ARFGEF3: variants seen among roughly 807,000 people sequenced by gnomAD.
ARFGEF3 encodes the protein ARFGEF family member 3.
A neutral mutation model predicts 221.7 loss-of-function variants in ARFGEF3; 96 were observed. The observed-to-expected ratio is 0.43, with a 90% CI of 0.37 to 0.51. ARFGEF3 has a LOEUF of 0.51. Among genes scored for constraint, ARFGEF3 ranks in the 20% least tolerant of loss-of-function variants. ARFGEF3 has a pLI of 0.00. For missense variants in ARFGEF3, 2,410 were observed against 2,789.9 expected, an observed-to-expected ratio of 0.86 and a Z score of 3.07; for synonymous variants, 1,145 against 1,126.8, an observed-to-expected ratio of 1.02 and a Z score of -0.32.
chr6:138,287,006 G>T, intron 16 of ARFGEF3, 68 bp from the exon 17 acceptor site: 1 of 1,566,574 alleles, frequency 6.4e-7, no homozygotes, highest in Non-Finnish European at 8.7e-7. Flanking sequence ...CCCTTTAGAA[G>T]GGGTTCTGCT....
intron 24 of ARFGEF3, among the ~76,000 whole-genome samples, chr6:138,309,362 G>A (rs1779783461): frequency 6.6e-6 from 1 of 152,082 alleles, no homozygotes; most frequent in Admixed American, 6.5e-5. Context: ...TCTAAATTAA[G>A]TATAAAATCA....
chr6:138,162,162 T>G lies in ARFGEF3; in HGVS notation c.76T>G (p.Trp26Gly). 1.3e-6 allele frequency: 2 copies of G among 1,598,898 alleles called. No homozygotes were observed. The highest frequency in any genetic ancestry group is 1.7e-6 in the Non-Finnish European group (2 of 1,172,116). Residue 26 changes from tryptophan to glycine, a missense_variant, in exon 1 of 34, where the codon TGG becomes GGG. By Grantham distance (184) the Trp-to-Gly change is radical. Coordinates refer to ENST00000251691, the MANE Select transcript of ARFGEF3 (RefSeq NM_020340.5). This position sits in a 1 kb window ranked among gnomAD's most constrained non-coding sequence, Gnocchi z 4.7. ...CAAAGCCATCAAGGAGAGCTGCACC[T>G]GGGCCCTGGGTAAGCGTCCGGCACC... ...KYKAIKESCT[W>G]ALETLGGLDT... is the part of the protein sequence containing the mutation.
intron 2 of ARFGEF3, among the ~76,000 whole-genome samples, chr6:138,205,360 A>G (rs1184953043): frequency 6.6e-6 from 1 of 152,174 alleles, no homozygotes; most frequent in African/African-American, 2.4e-5. Context: ...TCCAACTTCA[A>G]GTGGAAAGTT....
Position 138,321,121 on chromosome 6 carries a change from C to T in ARFGEF3, c.4662C>T (p.Tyr1554=), listed in dbSNP as rs17510658. 71,797 of 1,552,316 alleles carry T rather than the reference C, an allele frequency of 0.046. 1,875 individuals carry two copies. Among genetic ancestry groups the T allele is most frequent in the African/African-American group, 0.07 (5,131 of 73,352 alleles). The change falls in exon 29 of 34, where the codon TAC becomes TAT. Residue 1554 remains tyrosine, a synonymous_variant. Transcript: ENST00000251691. The part of the protein sequence containing the change: ...IQSFLHSDIR[Y]ESMINTMLKD... ...TGCTGTTTCCCATAGATATCAGGTA[C>T]GAGAGCATGATCAATACCATGCTGA...
intron 32 of ARFGEF3, among the ~76,000 whole-genome samples, 170 bp from the exon 33 acceptor site, chr6:138,333,800 T>TC (rs1554210514): frequency 7.9e-5 from 12 of 152,328 alleles, no homozygotes; most frequent in Admixed American, 3.9e-4. Context: ...AAAATGGTTA[T>TC]CACACAGTGC....
In ARFGEF3 at chr6:138,263,244, T is replaced by C. The variant is rs149039853; in HGVS notation, c.1761T>C (p.Tyr587=). The change falls in exon 12 of 34, where the codon TAT becomes TAC. Residue 587 remains tyrosine, a synonymous_variant. Transcript: ENST00000251691. ...CAGTAGACTGCAGGACAAGGTCCTA[T>C]GGATCTAGGTATAGTGAGAGCAATT... is the stretch of plus-strand genomic sequence containing the variant. ...FLSVDCRTRS[Y]GSRYSESNFS... is the part of the protein sequence containing the mutation. 1.2e-6 allele frequency: 2 copies of C among 1,613,910 alleles called. No individual in the cohort carries two copies. Among genetic ancestry groups the C allele is most frequent in the Non-Finnish European group, 8.5e-7 (1 of 1,179,906 alleles).
intron 22 of ARFGEF3, among the ~76,000 whole-genome samples, chr6:138,305,610 C>T (rs1779706906): frequency 8.0e-6 from 1 of 125,132 alleles, no homozygotes; most frequent in Admixed American, 8.4e-5. Context: ...GAGACCCTGT[C>T]TCAAAAAAAA....
chr6:138,278,883 G>T (rs997393966), intron 13 of ARFGEF3, among the ~76,000 whole-genome samples: 1 of 152,190 alleles, frequency 6.6e-6, no homozygotes, highest in African/African-American at 2.4e-5. Context: ...GGAAATGGCT[G>T]CCCAGGGATA....
chr6:138,322,067 GAGA>G (rs1377147393), intron 29 of ARFGEF3, among the ~76,000 whole-genome samples: 1 of 152,162 alleles, frequency 6.6e-6, no homozygotes, highest in Non-Finnish European at 1.5e-5. Context: ...GTTTCTGGAT[GAGA>G]AGAACATTTG....
At chr6:138,324,255 C>T (rs1583067932) in intron 31 of ARFGEF3, 101 bp downstream of exon 31, 1 of 1,397,626 alleles carries the variant, frequency 7.2e-7, no homozygotes, top group East Asian at 2.3e-5. Flanking sequence ...CCTTTCATTC[C>T]CTGAGGGACA....
At chr6:138,229,932 C>A (rs759694664) in intron 5 of ARFGEF3, 80 bp downstream of exon 5, 10 of 1,160,520 alleles carry the variant, frequency 8.6e-6, no homozygotes, top group Non-Finnish European at 1.3e-5. Context: ...TGGAACTAAG[C>A]CCCAGCACTG....
intron 4 of ARFGEF3, among the ~76,000 whole-genome samples, chr6:138,224,185 C>G (rs1778034629): frequency 6.6e-6 from 1 of 152,140 alleles, no homozygotes; most frequent in Non-Finnish European, 1.5e-5. Context: ...CTCATAAATC[C>G]TATACAAGTT....
chr6:138,292,733 T>C lies in ARFGEF3; in HGVS notation c.3368+680T>C, dbSNP rs574807648. Among the ~76,000 whole-genome samples the C allele has an allele frequency of 2.3e-3, 344 of 152,314 alleles. 1 individual carries two copies. Among genetic ancestry groups the C allele is most frequent in the Non-Finnish European group, 1.4e-3 (93 of 68,028 alleles). ...AGCACTCCCTGGGCCAGGACTCAGA[T>C]TGACCTGAGTTCCTGTCCTGACTTT... On this transcript the variant is annotated intron_variant, in intron 19 of 33. Transcript: ENST00000251691.
intron 2 of ARFGEF3, among the ~76,000 whole-genome samples, chr6:138,174,014 A>G (rs1326385033): frequency 1.3e-5 from 2 of 152,228 alleles, no homozygotes; most frequent in Admixed American, 1.3e-4. Flanking sequence ...AGAGAATTGA[A>G]CCATATGAAT....
chr6:138,238,783 C>T (rs530561932), intron 6 of ARFGEF3, among the ~76,000 whole-genome samples, 152 bp downstream of exon 6: 28 of 152,278 alleles, frequency 1.8e-4, no homozygotes, highest in Non-Finnish European at 1.2e-4. Context: ...ACACATTAAG[C>T]TCTTTAGATG....
intron 12 of ARFGEF3, among the ~76,000 whole-genome samples, chr6:138,265,820 G>A (rs1450868355): frequency 6.6e-6 from 1 of 152,070 alleles, no homozygotes; most frequent in Non-Finnish European, 1.5e-5. Context: ...TTGTAACAGG[G>A]TCTGACTCTG....
In ARFGEF3 at chr6:138,321,096, T is replaced by G. The variant is rs1583066077; in HGVS notation, c.4652-15T>G. 1 of 1,467,308 alleles carries G rather than the reference T, an allele frequency of 6.8e-7. No individual in the cohort carries two copies. The highest frequency in any genetic ancestry group is 1.2e-5 in the South Asian group (1 of 82,236). The allele number at this position is 1,467,308 out of a possible 1,614,324, so 90.9% of individuals were successfully genotyped here. A position where few individuals can be genotyped will look rare whatever the true frequency, so the allele number is the denominator to read the frequency against. On this transcript the variant is annotated splice_polypyrimidine_tract_variant and intron_variant, in intron 28 of 33. Coordinates refer to ENST00000251691, the MANE Select transcript of ARFGEF3 (RefSeq NM_020340.5). Reference sequence around the variant, plus strand: ...CTAGAGCTGTGTGAAACTGTGATTTTGCTGTTTCCCATAGATATCAGGTAC... The same window carrying G: ...CTAGAGCTGTGTGAAACTGTGATTTGGCTGTTTCCCATAGATATCAGGTAC...
At chr6:138,211,232 C>T (rs1777721052) in intron 4 of ARFGEF3, among the ~76,000 whole-genome samples, 5 of 152,370 alleles carry the variant, frequency 3.3e-5, no homozygotes, top group Middle Eastern at 3.4e-3. Context: ...ACTTGTACCA[C>T]TACTGCCTCC....
In ARFGEF3 at chr6:138,291,219, T is replaced by A. The variant is rs1779398167; in HGVS notation, c.3048-514T>A. Among the ~76,000 whole-genome samples, 1 of 152,044 alleles carries A rather than the reference T, an allele frequency of 6.6e-6. No homozygotes were observed. Among genetic ancestry groups the A allele is most frequent in the African/African-American group, 2.4e-5 (1 of 41,418 alleles). On this transcript the variant is annotated intron_variant, in intron 18 of 33. Transcript: ENST00000251691. The surrounding 1 kb of genome is among the most constrained non-coding windows in gnomAD (Gnocchi z 4.5). ...CGGCCGCCACCCACCCCACCCAGAC[T>A]TGAGTTATGTGGCGCCGTCGGGACC...
Sources: gnomAD v4.1 joint callset for allele counts (sites outside exome capture counted in the v4.1 genomes callset) on GRCh38, gnomAD v4.1.1 for gene constraint, Gnocchi (gnomAD v3.1) non-coding constraint, MANE v1.5 for transcripts, NCBI Gene and HGNC (gene_info 2026-07-23, HGNC 2026-07-21) for gene names.